Variants in CLASP1 observed in about 807,000 individuals in gnomAD.
CLASP1 encodes CLIP-associating protein 1.
Under a neutral mutation model 192.3 loss-of-function variants are expected in CLASP1, and 38 were observed. The ratio of observed to expected loss-of-function variants is 0.20; its 90% CI spans 0.15 to 0.26. CLASP1 has a LOEUF of 0.26. CLASP1 is among the 10% of genes least tolerant of loss of function. The probability of loss-of-function intolerance (pLI) is 1.00; values close to 1 mark genes in which losing one functional copy is unlikely to be tolerated. For missense variants in CLASP1, 1,433 were observed against 1,932.5 expected (o/e 0.74, Z 4.85); for synonymous variants, 691 against 712.8 (o/e 0.97, Z 0.49).
At chr2:121,345,359 CCTGGATTTT>C (rs763508321) in intron 39 of CLASP1, among the ~76,000 whole-genome samples, 2 of 152,116 alleles carry the variant, frequency 1.3e-5, no homozygotes, top group Non-Finnish European at 2.9e-5. Context: ...GGAGAAAACA[CCTGGATTTT>C]CTGTCCCTTA....
chr2:121,351,218 C>T (rs2064331266), intron 37 of CLASP1, among the ~76,000 whole-genome samples: 1 of 152,226 alleles, frequency 6.6e-6, no homozygotes, highest in Non-Finnish European at 1.5e-5. Context: ...ACAAAACTCA[C>T]TGTCCCTCAG....
intron 7 of CLASP1, among the ~76,000 whole-genome samples, chr2:121,505,757 T>C (rs898329480): frequency 1.6e-4 from 25 of 152,228 alleles, no homozygotes; most frequent in Admixed American, 1.5e-3. Context: ...ACCATCTTCC[T>C]CTATTTTTTC....
intron 37 of CLASP1, among the ~76,000 whole-genome samples, chr2:121,360,659 G>A (rs1437383941): frequency 6.6e-6 from 1 of 151,068 alleles, no homozygotes; most frequent in African/African-American, 2.4e-5. Context: ...TAAATACACA[G>A]GTTCTTGAGT....
At chr2:121,539,892 G>A (rs1000243497) in intron 2 of CLASP1, among the ~76,000 whole-genome samples, 1 of 152,154 alleles carries the variant, frequency 6.6e-6, no homozygotes, top group African/African-American at 2.4e-5. Context: ...TCAAGGAACT[G>A]CAAATTAAAT....
chr2:121,640,660 T>C (rs1226634833), intron 1 of CLASP1, among the ~76,000 whole-genome samples: 1 of 150,116 alleles, frequency 6.7e-6, no homozygotes, highest in African/African-American at 2.5e-5. Context: ...CTGACCTTCA[T>C]GAAGGAAGAA....
intron 26 of CLASP1, chr2:121,403,819 T>C (rs1367482578): frequency 6.5e-6 from 3 of 462,680 alleles, no homozygotes; most frequent in East Asian, 6.7e-5. Context: ...GTGTTCCCTA[T>C]GGCCCTCAGG....
Position 121,479,313 on chromosome 2 carries a change from A to G in CLASP1, c.713-9353T>C, listed in dbSNP as rs182046803. Reference sequence around the variant, plus strand: ...CTAAAGAATGCATGCAAAAACTTAGAACCAATAAACAAGTTCAGTGAGGTT... The same window carrying G: ...CTAAAGAATGCATGCAAAAACTTAGGACCAATAAACAAGTTCAGTGAGGTT... On this transcript the variant is annotated intron_variant, in intron 8 of 39. Coordinates refer to ENST00000263710, the Ensembl canonical transcript of CLASP1. 1.1e-3 allele frequency among the ~76,000 whole-genome samples: 168 copies of G among 152,306 alleles called. 1 individual carries two copies. The highest frequency in any genetic ancestry group is 2.1e-4 in the Non-Finnish European group (14 of 68,032).
Position 121,378,419 on chromosome 2 carries a change from T to C in CLASP1, c.3492-770A>G, listed in dbSNP as rs533745747. 1.3e-4 allele frequency among the ~76,000 whole-genome samples: 20 copies of C among 152,344 alleles called. No homozygotes were observed. In the South Asian group the frequency reaches 4.1e-3, roughly 32 times the overall value. ...TTATTGACTGCTGTCTTTATAGACATTGGGCACAGCAAAACATGAAATGAA... is the reference window on the plus strand; with the variant it reads ...TTATTGACTGCTGTCTTTATAGACACTGGGCACAGCAAAACATGAAATGAA... On this transcript the variant is annotated intron_variant, in intron 33 of 39. Transcript: ENST00000263710.
chr2:121,529,121 G>A (rs1046754159), intron 3 of CLASP1, among the ~76,000 whole-genome samples: 3 of 152,194 alleles, frequency 2.0e-5, no homozygotes, highest in Non-Finnish European at 2.9e-5. Flanking sequence ...AAAACACAAG[G>A]AGAGGGGCTC....
intron 1 of CLASP1, among the ~76,000 whole-genome samples, chr2:121,637,806 A>T (rs1306552161): frequency 6.6e-6 from 1 of 152,108 alleles, no homozygotes; most frequent in Non-Finnish European, 1.5e-5. Flanking sequence ...GAATGGCTTG[A>T]ACCCAGGAGG....
At chr2:121,557,876 T>C (rs2058719379) in intron 2 of CLASP1, among the ~76,000 whole-genome samples, 1 of 149,936 alleles carries the variant, frequency 6.7e-6, no homozygotes, top group Non-Finnish European at 1.5e-5. Flanking sequence ...AAGTCAGGAG[T>C]TCAAGACCAG....
At chr2:121,644,504 A>C (rs1185004292) in intron 1 of CLASP1, among the ~76,000 whole-genome samples, 1 of 152,118 alleles carries the variant, frequency 6.6e-6, no homozygotes, top group Non-Finnish European at 1.5e-5. Flanking sequence ...TATAACAAAA[A>C]TTAGCCAGGC....
At chr2:121,546,042 T>C (rs773257597) in intron 2 of CLASP1, among the ~76,000 whole-genome samples, 19 of 152,166 alleles carry the variant, frequency 1.2e-4, no homozygotes, top group Admixed American at 6.5e-4. Context: ...GAAACAGAAA[T>C]GATCTTTCAA....
At chr2:121,632,326 C>T (rs1301123378) in intron 1 of CLASP1, among the ~76,000 whole-genome samples, 1 of 152,136 alleles carries the variant, frequency 6.6e-6, no homozygotes, top group African/African-American at 2.4e-5. Flanking sequence ...CTATTTATAG[C>T]AATGTTAAGG....
intron 8 of CLASP1, among the ~76,000 whole-genome samples, chr2:121,478,771 C>CCATACACCCCA (rs2092090872): frequency 6.8e-5 from 3 of 44,234 alleles, no homozygotes; most frequent in Admixed American, 5.1e-4. Context: ...ACCACACACC[C>CCATACACCCCA]CACACACACA....
At chr2:121,478,871 C>CCACACACA (rs2092197685) in intron 8 of CLASP1, among the ~76,000 whole-genome samples, 2 of 15,346 alleles carry the variant, frequency 1.3e-4, no homozygotes, top group Non-Finnish European at 1.5e-4. Flanking sequence ...CACACACACA[C>CCACACACA]CACACCACAC....
chr2:121,602,861 G>GA (rs2063950076), intron 2 of CLASP1, among the ~76,000 whole-genome samples: 1 of 152,012 alleles, frequency 6.6e-6, no homozygotes, highest in Admixed American at 6.6e-5. Context: ...ACTACTAGAT[G>GA]AAAACATTTA....
chr2:121,490,382 C>T (rs902493493), intron 8 of CLASP1: 2 of 424,952 alleles, frequency 4.7e-6, no homozygotes, highest in Non-Finnish European at 9.3e-6. Flanking sequence ...TCCACCCACA[C>T]TTGTTCAGTG....
intron 8 of CLASP1, among the ~76,000 whole-genome samples, chr2:121,476,533 C>A (rs1415346140): frequency 6.6e-6 from 1 of 152,154 alleles, no homozygotes; most frequent in Non-Finnish European, 1.5e-5. Flanking sequence ...TCTATAACGA[C>A]CAACAAAAAG....
Sources: allele counts gnomAD v4.1 joint callset (sites outside exome capture counted in the v4.1 genomes callset), GRCh38; gene constraint gnomAD v4.1.1; transcripts MANE v1.5; gene names NCBI Gene and HGNC (gene_info 2026-07-23, HGNC 2026-07-21).